The following COL21A1 variants were observed in gnomAD, a reference collection of about 807,000 sequenced individuals.
COL21A1 encodes collagen type XXI alpha 1 chain, also known as collagen alpha-1(XXI) chain.
A neutral mutation model predicts 137.9 loss-of-function variants in COL21A1; 149 were observed. That is an observed-to-expected ratio of 1.08 (90% CI 0.95 to 1.24). COL21A1 has a LOEUF of 1.24. COL21A1 is among the 50% of genes most tolerant of loss of function. COL21A1 has a pLI of 0.00. For synonymous variants in COL21A1, 456 were observed against 391.5 expected, an observed-to-expected ratio of 1.16 and a Z score of -1.95; for missense variants, 1,167 against 1,158.4, an observed-to-expected ratio of 1.01 and a Z score of -0.11.
At chr6:56,288,338 A>G (rs1472453013) in intron 1 of COL21A1, among the ~76,000 whole-genome samples, 2 of 152,290 alleles carry the variant, frequency 1.3e-5, no homozygotes, top group East Asian at 3.9e-4. Context: ...ACACTCCCCT[A>G]GATAATACAG....
At chr6:56,391,250 A>G (rs1449528665) in intron 1 of COL21A1, among the ~76,000 whole-genome samples, 1 of 152,164 alleles carries the variant, frequency 6.6e-6, no homozygotes, top group Non-Finnish European at 1.5e-5. Flanking sequence ...TAAAAAGGAA[A>G]TTTTAAAATT....
intron 1 of COL21A1, among the ~76,000 whole-genome samples, chr6:56,314,376 T>C (rs1436654529): frequency 6.6e-6 from 1 of 152,204 alleles, no homozygotes; most frequent in Non-Finnish European, 1.5e-5. Flanking sequence ...CATTTTCCTG[T>C]TGGAGATGTC....
chr6:56,176,636 G>A lies in COL21A1; in HGVS notation c.640+2942C>T, dbSNP rs892142425. ...AAGAAAGAGGAAGGAAAAGAGGGAG[G>A]GGGGGAAGGAGGAAGAAAGGAAGGA... On this transcript the variant is annotated intron_variant, in intron 3 of 29. Transcript: ENST00000244728. Among the ~76,000 whole-genome samples the A allele has an allele frequency of 2.0e-5, 3 of 149,688 alleles. No homozygotes were observed. In the Admixed American group the frequency reaches 2.0e-4, roughly 10 times the overall value.
intron 1 of COL21A1, among the ~76,000 whole-genome samples, chr6:56,289,498 G>T (rs1463667251): frequency 6.6e-6 from 1 of 152,106 alleles, no homozygotes; most frequent in African/African-American, 2.4e-5. Context: ...CTCTGCTAAG[G>T]TTTTATGATA....
At chr6:56,339,835 C>T (rs1765426094) in intron 1 of COL21A1, among the ~76,000 whole-genome samples, 1 of 152,152 alleles carries the variant, frequency 6.6e-6, no homozygotes, top group Admixed American at 6.5e-5. Flanking sequence ...TGTCATCATT[C>T]TTTAATGTTT....
upstream of COL21A1, among the ~76,000 whole-genome samples, chr6:56,251,843 C>T (rs184462090): frequency 6.6e-6 from 1 of 152,166 alleles, no homozygotes; most frequent in East Asian, 1.9e-4. Flanking sequence ...TCTAGCAGTC[C>T]TATGTAAATG....
intron 1 of COL21A1, among the ~76,000 whole-genome samples, chr6:56,289,530 T>C (rs546250987): frequency 6.6e-6 from 1 of 152,234 alleles, no homozygotes; most frequent in Non-Finnish European, 1.5e-5. Flanking sequence ...TGAAACTTTA[T>C]GTAGTCTCCA....
At chr6:56,125,534 A>G (rs776950458) in intron 14 of COL21A1, 33 bp downstream of exon 14, 6 of 1,498,178 alleles carry the variant, frequency 4.0e-6, no homozygotes, top group South Asian at 1.2e-5. Context: ...TAAAAGTTCA[A>G]TATGAATACT....
chr6:56,280,606 T>C (rs1239728486), intron 1 of COL21A1, among the ~76,000 whole-genome samples: 2 of 152,198 alleles, frequency 1.3e-5, no homozygotes, highest in Non-Finnish European at 2.9e-5. Flanking sequence ...TGGAAACACT[T>C]GTGGCTTGCA....
intron 17 of COL21A1, among the ~76,000 whole-genome samples, chr6:56,098,440 A>G (rs796069999): frequency 1.9e-4 from 1 of 5,250 alleles, no homozygotes; most frequent in African/African-American, 1.2e-3. Flanking sequence ...AATATATATA[A>G]ATATATATAT....
intron 1 of COL21A1, among the ~76,000 whole-genome samples, chr6:56,336,240 C>G (rs1765328558): frequency 2.0e-5 from 3 of 152,076 alleles, no homozygotes; most frequent in Admixed American, 2.0e-4. Context: ...TTTAAGTGGT[C>G]CTTTAGGTGA....
At chr6:56,117,136 A>T (rs1243869286) in intron 16 of COL21A1, among the ~76,000 whole-genome samples, 1 of 151,990 alleles carries the variant, frequency 6.6e-6, no homozygotes, top group Non-Finnish European at 1.5e-5. Context: ...TGAACTCTCC[A>T]ATCAAAACAC....
At chr6:56,384,422 G>T (rs1275563528) in intron 1 of COL21A1, among the ~76,000 whole-genome samples, 1 of 151,982 alleles carries the variant, frequency 6.6e-6, no homozygotes, top group African/African-American at 2.4e-5. Context: ...CCTTCTAATT[G>T]TCCTTAAAAT....
chr6:56,390,983 T>C (rs1158434964), intron 1 of COL21A1, among the ~76,000 whole-genome samples: 1 of 152,136 alleles, frequency 6.6e-6, no homozygotes, highest in Admixed American at 6.5e-5. Flanking sequence ...TAATAGACAT[T>C]TACAGAGCAT....
intron 1 of COL21A1, among the ~76,000 whole-genome samples, chr6:56,349,381 T>C (rs933583904): frequency 4.0e-5 from 6 of 150,896 alleles, no homozygotes; most frequent in Non-Finnish European, 8.8e-5. Context: ...TAGACTGAGA[T>C]GTTGAGTCAT....
chr6:56,248,764 T>A (rs1175962302), upstream of COL21A1, among the ~76,000 whole-genome samples: 3 of 152,238 alleles, frequency 2.0e-5, no homozygotes, highest in South Asian at 6.2e-4. Context: ...AATGATCATT[T>A]CCTGAATTTC....
At chr6:56,072,229 C>T (rs911387797) in intron 20 of COL21A1, among the ~76,000 whole-genome samples, 3 of 151,408 alleles carry the variant, frequency 2.0e-5, no homozygotes, top group African/African-American at 7.3e-5. Context: ...GAGTTCATTC[C>T]ATGTCTTTTC....
At chr6:56,283,351 A>G (rs1181664011) in intron 1 of COL21A1, among the ~76,000 whole-genome samples, 1 of 152,122 alleles carries the variant, frequency 6.6e-6, no homozygotes, top group East Asian at 1.9e-4. Context: ...CCATGTAGAA[A>G]AAAAATCTCA....
chr6:56,166,881 G>GA (rs751507724), intron 7 of COL21A1, 25 bp downstream of exon 7: 13 of 1,579,352 alleles, frequency 8.2e-6, no homozygotes, highest in Non-Finnish European at 1.1e-5. Context: ...CAACATCTGG[G>GA]AAAAAAACAA....
Sources: allele counts gnomAD v4.1 joint callset (sites outside exome capture counted in the v4.1 genomes callset), GRCh38; gene constraint gnomAD v4.1.1; transcripts MANE v1.5; gene names NCBI Gene and HGNC (gene_info 2026-07-23, HGNC 2026-07-21).